The following GLRA3 variants were observed in gnomAD, a reference collection of about 807,000 sequenced individuals.
GLRA3 encodes glycine receptor alpha 3, also known as glycine receptor subunit alpha-3.
GLRA3 carries 44 observed loss-of-function variants against 60.4 expected under a neutral mutation model. The ratio of observed to expected loss-of-function variants is 0.73; its 90% CI spans 0.57 to 0.94. GLRA3 has a LOEUF of 0.94. GLRA3 is among the 40% of genes least tolerant of loss of function. The pLI is 0.00. For missense variants in GLRA3, 508 were observed against 564.6 expected, an observed-to-expected ratio of 0.90 and a Z score of 1.02; for synonymous variants, 223 against 192.9, an observed-to-expected ratio of 1.16 and a Z score of -1.29.
chr4:174,812,955 G>A (rs565559256), intron 1 of GLRA3, among the ~76,000 whole-genome samples: 7 of 152,206 alleles, frequency 4.6e-5, no homozygotes, highest in Middle Eastern at 3.4e-3. Context: ...GTTATTTCCT[G>A]TGGCAATAAG....
chr4:174,797,560 A>T (rs1739620544), intron 1 of GLRA3, among the ~76,000 whole-genome samples: 3 of 152,180 alleles, frequency 2.0e-5, no homozygotes, highest in Admixed American at 6.5e-5. Flanking sequence ...CAGAAACTTT[A>T]ATTTCATAAA....
At chr4:174,807,773 T>C (rs1263807762) in intron 1 of GLRA3, among the ~76,000 whole-genome samples, 2 of 152,092 alleles carry the variant, frequency 1.3e-5, no homozygotes, top group Non-Finnish European at 2.9e-5. Flanking sequence ...TTTCATTCAG[T>C]GTTTTCAATC....
intron 2 of GLRA3, among the ~76,000 whole-genome samples, chr4:174,782,162 T>C (rs1224442332): frequency 2.7e-5 from 4 of 145,996 alleles, no homozygotes; most frequent in Non-Finnish European, 6.1e-5. Flanking sequence ...GCTGGTTCAA[T>C]ATATGCAAAT....
At chr4:174,789,858 C>T (rs1332819348) in intron 1 of GLRA3, among the ~76,000 whole-genome samples, 1 of 152,198 alleles carries the variant, frequency 6.6e-6, no homozygotes, top group East Asian at 1.9e-4. Flanking sequence ...GATCATCAAT[C>T]ATCACATGCT....
intron 7 of GLRA3, among the ~76,000 whole-genome samples, chr4:174,663,681 A>G (rs1200006037): frequency 1.3e-5 from 2 of 152,176 alleles, no homozygotes; most frequent in Non-Finnish European, 2.9e-5. Context: ...CGCCAAGTAC[A>G]GCAAACACAG....
intron 7 of GLRA3, among the ~76,000 whole-genome samples, chr4:174,672,326 G>T (rs536117106): frequency 6.6e-6 from 1 of 152,072 alleles, no homozygotes; most frequent in Admixed American, 6.6e-5. Context: ...AAAGGAGACC[G>T]AAAACTTAAA....
At chr4:174,765,207 A>T (rs1738094628) in intron 3 of GLRA3, among the ~76,000 whole-genome samples, 1 of 152,078 alleles carries the variant, frequency 6.6e-6, no homozygotes, top group African/African-American at 2.4e-5. Flanking sequence ...AAGGTAAGAA[A>T]TTTAACTGGT....
intron 1 of GLRA3, among the ~76,000 whole-genome samples, chr4:174,795,238 T>C (rs1172606221): frequency 6.6e-6 from 1 of 152,068 alleles, no homozygotes; most frequent in Non-Finnish European, 1.5e-5. Context: ...TAAATACCTT[T>C]AGAAAGATGT....
At chr4:174,794,664 T>G (rs916139386) in intron 1 of GLRA3, among the ~76,000 whole-genome samples, 2 of 152,214 alleles carry the variant, frequency 1.3e-5, no homozygotes, top group African/African-American at 4.8e-5. Context: ...TTAATCTTTT[T>G]GAAGGTTAAA....
At chr4:174,715,678 T>A in intron 4 of GLRA3, 108 bp from the exon 5 acceptor site, 1 of 558,274 alleles carries the variant, frequency 1.8e-6, no homozygotes, top group South Asian at 2.8e-5. Flanking sequence ...CAGATTTAAG[T>A]AAAAATTTCT....
intron 9 of GLRA3, among the ~76,000 whole-genome samples, chr4:174,644,322 A>G (rs963377984): frequency 6.6e-6 from 1 of 151,906 alleles, no homozygotes; most frequent in Non-Finnish European, 1.5e-5. Context: ...CTAAATTCTG[A>G]TATTTTCTAC....
intron 3 of GLRA3, among the ~76,000 whole-genome samples, chr4:174,752,305 CAG>C (rs1454788493): frequency 6.6e-6 from 1 of 152,186 alleles, no homozygotes; most frequent in East Asian, 1.9e-4. Flanking sequence ...TAGGGAGAAA[CAG>C]TGAAATAACA....
chr4:174,735,721 C>T (rs1736759391), intron 3 of GLRA3, among the ~76,000 whole-genome samples: 1 of 152,010 alleles, frequency 6.6e-6, no homozygotes, highest in Non-Finnish European at 1.5e-5. Flanking sequence ...CCACTGCGTC[C>T]ATGTAATTTT....
At chr4:174,701,681 G>A (rs566564158) in intron 5 of GLRA3, among the ~76,000 whole-genome samples, 30 of 152,094 alleles carry the variant, frequency 2.0e-4, no homozygotes, top group Non-Finnish European at 4.1e-4. Flanking sequence ...TTCATGATTC[G>A]GGGAGGAAGT....
At chr4:174,685,585 T>A (rs562114578) in intron 5 of GLRA3, among the ~76,000 whole-genome samples, 1 of 152,342 alleles carries the variant, frequency 6.6e-6, no homozygotes, top group African/African-American at 2.4e-5. Flanking sequence ...CTGATGGATT[T>A]AACACAGCAG....
intron 3 of GLRA3, among the ~76,000 whole-genome samples, chr4:174,766,026 CACTT>C (rs1738128776): frequency 6.6e-6 from 1 of 151,662 alleles, no homozygotes; most frequent in Non-Finnish European, 1.5e-5. Flanking sequence ...CCTCTACACA[CACTT>C]ACACCCTCAT....
At chr4:174,669,204 G>C (rs1368555109) in intron 7 of GLRA3, among the ~76,000 whole-genome samples, 1 of 151,946 alleles carries the variant, frequency 6.6e-6, no homozygotes, top group Non-Finnish European at 1.5e-5. Flanking sequence ...TTTACATTTT[G>C]TAACAGGAAA....
At chr4:174,744,257 T>C (rs1286781150) in intron 3 of GLRA3, among the ~76,000 whole-genome samples, 1 of 152,242 alleles carries the variant, frequency 6.6e-6, no homozygotes, top group East Asian at 1.9e-4. Context: ...CACTGGCTGC[T>C]CAGGGACCTA....
chr4:174,643,947 T>C lies in GLRA3; in HGVS notation c.1234A>G (p.Lys412Glu), dbSNP rs1352641003. 1.2e-6 allele frequency: 2 copies of C among 1,614,094 alleles called. No homozygotes were observed. The highest frequency in any genetic ancestry group is 1.7e-6 in the Non-Finnish European group (2 of 1,179,968). ...ACCTTCCTCATTTCATCAGGACTTT[T>C]TGGCATTACCTGGACAGGGTGGTTG... ...GPNHPVQVMP[K>E]SPDEMRKVFI... The change falls in exon 10 of 10, where the codon AAA becomes GAA. Residue 412 changes from lysine to glutamate, a missense_variant. Physicochemically the swap from Lys to Glu is moderately conservative, Grantham distance 56. Transcript: ENST00000274093.
Sources: allele counts gnomAD v4.1 joint callset (sites outside exome capture counted in the v4.1 genomes callset), GRCh38; gene constraint gnomAD v4.1.1; transcripts MANE v1.5; gene names NCBI Gene and HGNC (gene_info 2026-07-23, HGNC 2026-07-21).